CELF2: variants seen among roughly 807,000 people sequenced by gnomAD.
CELF2 encodes the protein CUGBP Elav-like family member 2.
In CELF2, 8 loss-of-function variants were observed where a neutral mutation model predicts 62.6. The ratio of observed to expected loss-of-function variants is 0.13; its 90% confidence interval spans 0.07 to 0.23. CELF2 has a LOEUF of 0.23. CELF2 is among the 10% of genes least tolerant of loss of function. The probability of loss-of-function intolerance (pLI) is 1.00; values close to 1 mark genes in which losing one functional copy is unlikely to be tolerated. For synonymous variants in CELF2, 258 were observed against 250.0 expected (o/e 1.03, Z -0.30); for missense variants, 333 against 671.0 (o/e 0.50, Z 5.56).
At chr10:10,707,636 G>C in the CELF2 span, among the ~76,000 whole-genome samples, 1 of 152,222 alleles carries the variant, frequency 6.6e-6, no homozygotes, top group Non-Finnish European at 1.5e-5. Context: ...CAGTTTGTCA[G>C]TGCTGAAGCA....
At chr10:10,504,532 G>T in the CELF2 span, among the ~76,000 whole-genome samples, 1 of 152,072 alleles carries the variant, frequency 6.6e-6, no homozygotes, top group Admixed American at 6.6e-5. Flanking sequence ...TGCCTTGGCA[G>T]AAATTTATTT....
chr10:10,893,003 T>C (rs1017737873), intron 1 of CELF2, among the ~76,000 whole-genome samples: 1 of 152,238 alleles, frequency 6.6e-6, no homozygotes, highest in Admixed American at 6.5e-5. Flanking sequence ...TTTCTTATGG[T>C]TGTTTTCTCT....
At chr10:10,620,859 A>G in the CELF2 span, among the ~76,000 whole-genome samples, 6 of 135,340 alleles carry the variant, frequency 4.4e-5, no homozygotes, top group Non-Finnish European at 9.2e-5. Context: ...CGGAGCTTGC[A>G]GTGAGACGAG....
chr10:10,980,616 C>G (rs796780094), intron 2 of CELF2, among the ~76,000 whole-genome samples: 17 of 152,342 alleles, frequency 1.1e-4, no homozygotes, highest in African/African-American at 4.1e-4. Flanking sequence ...TGCACCTGCT[C>G]TTCCCACTAA....
Position 11,270,855 on chromosome 10 carries a change from C to A in CELF2, c.777+31C>A, listed in dbSNP as rs2083535946. On this transcript the variant is annotated intron_variant, in intron 7 of 12. Transcript: ENST00000633077. The surrounding 1 kb of genome is among the most constrained non-coding windows in gnomAD (Gnocchi z 5.8). ...TGCTGGGCAATGCCGGCGTGGTCTT[C>A]ACCCGCTGAAACTCTGCAAACTGAC... The A allele has an allele frequency of 6.7e-6, 9 of 1,346,546 alleles. No individual in the cohort carries two copies. The highest frequency in any genetic ancestry group is 7.7e-6 in the Non-Finnish European group (8 of 1,036,554). The allele number at this position is 1,346,546 out of a possible 1,614,324, so 83.4% of individuals were successfully genotyped here.
At chr10:10,943,282 C>T (rs780240099) in intron 2 of CELF2, among the ~76,000 whole-genome samples, 3 of 152,158 alleles carry the variant, frequency 2.0e-5, no homozygotes, top group Admixed American at 2.0e-4. Context: ...GAACCTCTAG[C>T]GTTTGGTAAG....
At chr10:11,182,574 T>G (rs974400756) in intron 2 of CELF2, among the ~76,000 whole-genome samples, 3 of 152,174 alleles carry the variant, frequency 2.0e-5, no homozygotes, top group African/African-American at 7.2e-5. Flanking sequence ...GAAAATTTAT[T>G]TTTGGGGATC....
rs2094866072 is a variant in CELF2 at position 11,315,204 on chromosome 10, C to A, written c.1096+946C>A. 6.6e-6 allele frequency among the ~76,000 whole-genome samples: 1 copy of A among 152,120 alleles called. No individual in the cohort carries two copies. Among genetic ancestry groups the A allele is most frequent in the Admixed American group, 6.5e-5 (1 of 15,280 alleles). On this transcript the variant is annotated intron_variant, in intron 10 of 12. Transcript: ENST00000633077. This position sits in a 1 kb window ranked among gnomAD's most constrained non-coding sequence, Gnocchi z 5.8. ...TTTCCCTGTCCCTCCGTTTCAGATC[C>A]CCTGGTTGCCTGAGAGTAGCCAAGC...
the CELF2 span, among the ~76,000 whole-genome samples, chr10:10,732,301 G>A: frequency 6.6e-6 from 1 of 152,250 alleles, no homozygotes; most frequent in East Asian, 1.9e-4. Flanking sequence ...ATGCATGTTA[G>A]AGCATGTAGA....
At chr10:10,872,077 T>C (rs2060785812) in intron 1 of CELF2, among the ~76,000 whole-genome samples, 1 of 152,232 alleles carries the variant, frequency 6.6e-6, no homozygotes, top group South Asian at 2.1e-4. Flanking sequence ...ATGTGAAATA[T>C]TTCCTTTGGA....
intron 1 of CELF2, among the ~76,000 whole-genome samples, chr10:11,149,841 C>G (rs1362370902): frequency 6.6e-6 from 1 of 152,098 alleles, no homozygotes; most frequent in Non-Finnish European, 1.5e-5. Context: ...TTGCATCGAC[C>G]CCGATGGAAA....
At chr10:10,601,830 A>G in the CELF2 span, among the ~76,000 whole-genome samples, 236 of 152,046 alleles carry the variant, frequency 1.6e-3, no homozygotes, top group Non-Finnish European at 2.5e-3. Flanking sequence ...CCTATCAACA[A>G]ATCACCCAGG....
chr10:10,897,361 G>T (rs1156235531), intron 1 of CELF2, among the ~76,000 whole-genome samples: 1 of 152,082 alleles, frequency 6.6e-6, no homozygotes, highest in Admixed American at 6.6e-5. Context: ...AGAAATTGTA[G>T]CAACAAACTT....
At chr10:10,948,654 C>A (rs2047964201) in intron 2 of CELF2, among the ~76,000 whole-genome samples, 2 of 152,184 alleles carry the variant, frequency 1.3e-5, no homozygotes, top group Non-Finnish European at 2.9e-5. Flanking sequence ...AGGGCTGCCT[C>A]TTTGCATGAA....
At chr10:10,944,240 T>C (rs1184789893) in intron 2 of CELF2, 4 of 152,682 alleles carry the variant, frequency 2.6e-5, no homozygotes, top group African/African-American at 9.6e-5. Context: ...GTTGGCAGTA[T>C]TTGATACCAT....
chr10:10,641,944 C>T, the CELF2 span, among the ~76,000 whole-genome samples: 1 of 152,172 alleles, frequency 6.6e-6, no homozygotes, highest in Non-Finnish European at 1.5e-5. Context: ...CACTCTTATG[C>T]TGATTCTAGT....
At chr10:10,504,636 CT>C in the CELF2 span, among the ~76,000 whole-genome samples, 4 of 152,132 alleles carry the variant, frequency 2.6e-5, no homozygotes, top group Admixed American at 6.5e-5. Flanking sequence ...CCACCTCCTT[CT>C]TTCCATCTGA....
intron 9 of CELF2, among the ~76,000 whole-genome samples, chr10:11,307,759 G>A (rs916404116): frequency 4.6e-5 from 7 of 152,182 alleles, no homozygotes; most frequent in South Asian, 2.1e-4. Context: ...TGAAACTATA[G>A]AGTTGTGTTC....
the CELF2 span, among the ~76,000 whole-genome samples, chr10:10,573,263 A>C: frequency 6.6e-6 from 1 of 152,172 alleles, no homozygotes; most frequent in Non-Finnish European, 1.5e-5. Context: ...AACCTTTGTC[A>C]GATGGATAGA....
Sources: gnomAD v4.1 joint callset for allele counts (sites outside exome capture counted in the v4.1 genomes callset) on GRCh38, gnomAD v4.1.1 for gene constraint, Gnocchi (gnomAD v3.1) non-coding constraint, MANE v1.5 for transcripts, NCBI Gene and HGNC (gene_info 2026-07-23, HGNC 2026-07-21) for gene names.